The following RGS7 variants were observed in gnomAD, a reference collection of about 807,000 sequenced individuals.
The protein encoded by RGS7 is regulator of G-protein signaling 7.
A neutral mutation model predicts 81.1 loss-of-function variants in RGS7; 27 were observed. The ratio of observed to expected loss-of-function variants is 0.33; its 90% CI spans 0.25 to 0.46. RGS7 has a LOEUF of 0.46. Among genes scored for constraint, RGS7 ranks in the 20% least tolerant of loss-of-function variants. RGS7 has a pLI of 1.00. For synonymous variants in RGS7, 208 were observed against 207.7 expected (o/e 1.00, Z -0.01); for missense variants, 396 against 607.4 (o/e 0.65, Z 3.66).
At chr1:241,208,373 G>A (rs1277071284) in intron 2 of RGS7, among the ~76,000 whole-genome samples, 1 of 152,038 alleles carries the variant, frequency 6.6e-6, no homozygotes, top group South Asian at 2.1e-4. Context: ...GAGGCATTTC[G>A]GAACCACACC....
At chr1:241,281,555 A>G (rs1397211609) in intron 2 of RGS7, among the ~76,000 whole-genome samples, 1 of 152,258 alleles carries the variant, frequency 6.6e-6, no homozygotes, top group Non-Finnish European at 1.5e-5. Flanking sequence ...CAAGAAGCAG[A>G]GAAAAGTCAT....
chr1:240,903,088 C>A (rs761456719), intron 6 of RGS7, among the ~76,000 whole-genome samples: 8 of 152,100 alleles, frequency 5.3e-5, no homozygotes, highest in Non-Finnish European at 1.0e-4. Flanking sequence ...ATCATGAAGG[C>A]AGAGTTCAGA....
intron 6 of RGS7, among the ~76,000 whole-genome samples, chr1:240,887,644 G>A (rs1355553929): frequency 6.6e-6 from 1 of 152,098 alleles, no homozygotes; most frequent in Non-Finnish European, 1.5e-5. Context: ...GCCAAGATTT[G>A]TAAACAATAT....
chr1:241,256,851 C>T (rs545402862), intron 2 of RGS7, among the ~76,000 whole-genome samples: 16 of 151,900 alleles, frequency 1.1e-4, no homozygotes, highest in African/African-American at 3.4e-4. Context: ...CACAAATGTT[C>T]AGTCCATAGC....
intron 6 of RGS7, among the ~76,000 whole-genome samples, chr1:240,898,854 C>T (rs12753383): frequency 0.13 from 19,405 of 152,036 alleles, 1,337 homozygotes; most frequent in Middle Eastern, 0.18. Context: ...CTTTCTGTCT[C>T]GTTGATCTGT....
chr1:241,027,918 G>A (rs554555657), intron 3 of RGS7, among the ~76,000 whole-genome samples: 1 of 152,338 alleles, frequency 6.6e-6, no homozygotes, highest in South Asian at 2.1e-4. Flanking sequence ...TATACTACCT[G>A]TGACAGGAAA....
intron 2 of RGS7, among the ~76,000 whole-genome samples, chr1:241,346,375 T>G (rs544198718): frequency 8.2e-6 from 1 of 121,286 alleles, no homozygotes; most frequent in Non-Finnish European, 1.7e-5. Flanking sequence ...ACCATACACA[T>G]AGCTGCCCCA....
In RGS7 at chr1:240,814,721, A is replaced by T; in HGVS notation, c.840T>A (p.Ala280=). The T allele has an allele frequency of 6.3e-7, 1 of 1,586,254 alleles. No homozygotes were observed. The highest frequency in any genetic ancestry group is 1.1e-5 in the South Asian group (1 of 90,486). Residue 280 remains alanine (A), a synonymous_variant, in exon 12 of 19, where the codon GCT becomes GCA. Transcript: ENST00000440928. ...AGACACTTTGAAATACTCACCTGTC[A>T]GCGACTTTTGACATTTTTAACCGAT... ...DRHRLKMSKV[A]DSLLSYTEQY...
In RGS7 at chr1:240,930,751, T is replaced by G. The variant is rs774783582; in HGVS notation, c.351A>C (p.Pro117=). The change falls in exon 6 of 19, where the codon CCA becomes CCC. Residue 117 remains proline (P), a synonymous_variant. Coordinates refer to ENST00000440928, the MANE Select transcript of RGS7 (RefSeq NM_001364886.1). ...TGTTTTCCGGCTCCCAACAATTTGA[T>G]GGCCAAAAATAGGGGGTCTGCGGAA... The part of the protein sequence containing the change: ...FYRFQTPYFW[P]SNCWEPENTD... 6.2e-7 allele frequency: 1 copy of G among 1,613,778 alleles called. No homozygotes were observed. The highest frequency in any genetic ancestry group is 1.7e-5 in the Admixed American group (1 of 59,996).
chr1:240,793,611 A>ATATATATATATATATTTTTTTTTTT, intron 18 of RGS7, among the ~76,000 whole-genome samples: 5 of 78,798 alleles, frequency 6.3e-5, no homozygotes, highest in African/African-American at 3.9e-4. Context: ...ATATATATAT[A>ATATATATATATATATTTTTTTTTTT]TTTTTTTTTT....
chr1:240,977,394 T>C (rs551172350), intron 4 of RGS7, among the ~76,000 whole-genome samples: 3 of 144,314 alleles, frequency 2.1e-5, no homozygotes, highest in South Asian at 2.1e-4. Flanking sequence ...TATACACACA[T>C]ATGTGTGTGT....
chr1:241,218,746 G>A (rs758830029), intron 2 of RGS7, among the ~76,000 whole-genome samples: 2 of 152,146 alleles, frequency 1.3e-5, no homozygotes, highest in South Asian at 2.1e-4. Context: ...CCAGGTTCAC[G>A]TGATTCTCCT....
At chr1:240,963,065 A>G (rs1450254451) in intron 4 of RGS7, among the ~76,000 whole-genome samples, 1 of 152,184 alleles carries the variant, frequency 6.6e-6, no homozygotes, top group Non-Finnish European at 1.5e-5. Context: ...TGGTGTGGGA[A>G]AAGAGGAAAA....
intron 3 of RGS7, among the ~76,000 whole-genome samples, chr1:241,066,311 T>C (rs551327832): frequency 6.6e-6 from 1 of 152,144 alleles, no homozygotes; most frequent in Non-Finnish European, 1.5e-5. Context: ...TCTACCCCAT[T>C]CTAAGATGGT....
chr1:240,785,993 G>T (rs536041061), intron 18 of RGS7, among the ~76,000 whole-genome samples: 1 of 152,152 alleles, frequency 6.6e-6, no homozygotes, highest in Non-Finnish European at 1.5e-5. Flanking sequence ...CATATTTAAT[G>T]TTGAATGCTG....
intron 2 of RGS7, among the ~76,000 whole-genome samples, chr1:241,335,710 C>A (rs1400219249): frequency 6.6e-6 from 1 of 152,096 alleles, no homozygotes; most frequent in African/African-American, 2.4e-5. Context: ...CACACACACG[C>A]AGAGTGATGT....
chr1:241,188,079 G>T (rs34976965), intron 2 of RGS7, among the ~76,000 whole-genome samples: 30,415 of 152,004 alleles, frequency 0.2, 3,725 homozygotes, highest in Admixed American at 0.28. Flanking sequence ...AAAATATCTA[G>T]AAGATATTTA....
Position 241,254,198 on chromosome 1 carries a change from C to CAA in RGS7, c.78+101499_78+101500dup, listed in dbSNP as rs57205542. Reference sequence around the variant, plus strand: ...TGGGCAACAGAGCAAGACTCCATCTCAAAAAAAAAAAAAAAAAAGAAAGAA... The same window carrying CAA: ...TGGGCAACAGAGCAAGACTCCATCTCAAAAAAAAAAAAAAAAAAAAGAAAGAA... On this transcript the variant is annotated intron_variant, in intron 2 of 18. Transcript: ENST00000440928. Among the ~76,000 whole-genome samples the CAA allele has an allele frequency of 7.6e-4, 49 of 64,280 alleles. 1 individual carries two copies. The highest frequency in any genetic ancestry group is 1.1e-3 in the African/African-American group (17 of 15,356). 42.2% of individuals were successfully genotyped at this position (64,280 alleles called of 152,430 possible). A position where few individuals can be genotyped will look rare whatever the true frequency, so the allele number is the denominator to read the frequency against.
chr1:241,127,686 G>A (rs1188730302), intron 2 of RGS7, among the ~76,000 whole-genome samples: 2 of 151,868 alleles, frequency 1.3e-5, no homozygotes, highest in Admixed American at 6.5e-5. Flanking sequence ...AAAACTTAAA[G>A]TATAATAATA....
Sources: gnomAD v4.1 joint callset for allele counts (sites outside exome capture counted in the v4.1 genomes callset) on GRCh38, gnomAD v4.1.1 for gene constraint, MANE v1.5 for transcripts, NCBI Gene and HGNC (gene_info 2026-07-23, HGNC 2026-07-21) for gene names.